Variants in NTM observed in about 807,000 individuals in gnomAD.
The protein encoded by NTM is IgLON family member 2.
In NTM, 13 loss-of-function variants were observed where a neutral mutation model predicts 42.1. The ratio of observed to expected loss-of-function variants is 0.31; its 90% CI spans 0.20 to 0.49. The LOEUF (loss-of-function observed/expected upper bound fraction) is 0.49. NTM is among the 20% of genes least tolerant of loss of function. The probability of loss-of-function intolerance (pLI) is 0.99; values close to 1 mark genes in which losing one functional copy is unlikely to be tolerated. For synonymous variants in NTM, 187 were observed against 179.2 expected (o/e 1.04, Z -0.35); for missense variants, 373 against 452.8 (o/e 0.82, Z 1.60).
intron 1 of NTM, among the ~76,000 whole-genome samples, chr11:131,531,313 T>G (rs12807549): frequency 0.01 from 1,534 of 151,972 alleles, 11 homozygotes; most frequent in Non-Finnish European, 0.014. Flanking sequence ...TAATTTTTTT[T>G]GGGGGGGAGG....
intron 2 of NTM, among the ~76,000 whole-genome samples, chr11:132,048,474 A>C (rs137996610): frequency 4.5e-4 from 69 of 152,310 alleles, no homozygotes; most frequent in African/African-American, 1.5e-3. Context: ...CAGCCACTGA[A>C]GCTTTTCTTG....
intron 1 of NTM, among the ~76,000 whole-genome samples, chr11:131,736,887 T>C (rs1275169922): frequency 6.6e-6 from 1 of 152,206 alleles, no homozygotes; most frequent in African/African-American, 2.4e-5. Flanking sequence ...ATCCATCACA[T>C]TTGCACATGT....
At chr11:132,067,325 A>G (rs1201344247) in intron 2 of NTM, among the ~76,000 whole-genome samples, 1 of 152,216 alleles carries the variant, frequency 6.6e-6, no homozygotes, top group Non-Finnish European at 1.5e-5. Context: ...TCTGTCCCAC[A>G]TGCAAAATAC....
At chr11:132,174,120 T>G (rs1296591252) in intron 3 of NTM, among the ~76,000 whole-genome samples, 3 of 152,178 alleles carry the variant, frequency 2.0e-5, no homozygotes, top group Admixed American at 1.3e-4. Context: ...AAAATTTATG[T>G]CTTAATGATA....
intron 4 of NTM, among the ~76,000 whole-genome samples, chr11:132,275,846 A>G (rs933123263): frequency 6.6e-6 from 1 of 150,876 alleles, no homozygotes; most frequent in African/African-American, 2.4e-5. Flanking sequence ...AGAACATTCA[A>G]AAGCCTCTCT....
intron 1 of NTM, among the ~76,000 whole-genome samples, chr11:131,606,250 C>G (rs559373358): frequency 6.6e-6 from 1 of 152,224 alleles, no homozygotes; most frequent in African/African-American, 2.4e-5. Context: ...GAGATAGGCT[C>G]TCAGCATGTT....
chr11:131,914,585 A>G (rs79303845), intron 2 of NTM, among the ~76,000 whole-genome samples: 1 of 152,324 alleles, frequency 6.6e-6, no homozygotes, highest in East Asian at 1.9e-4. Flanking sequence ...AGAAGATTCT[A>G]ATTTGAGGAA....
intron 3 of NTM, among the ~76,000 whole-genome samples, chr11:132,208,781 C>G (rs1401434122): frequency 6.6e-6 from 1 of 152,184 alleles, no homozygotes. Flanking sequence ...AACTACAAAC[C>G]CTAAATCACC....
chr11:131,789,490 G>GGAGA lies in NTM; in HGVS notation c.83-122074_83-122073insGAGA, dbSNP rs2090085139. On this transcript the variant is annotated intron_variant, in intron 1 of 8. Transcript: ENST00000683400. ...AGAAGAAGAAGAAGAAGAAGAAGAA[G>GGAGA]AGGAAAGAAGAAGAAGAAGAAGAAG... is the stretch of plus-strand genomic sequence containing the variant. Among the ~76,000 whole-genome samples the GGAGA allele has an allele frequency of 4.1e-4, 2 of 4,848 alleles. 1 individual carries two copies. Among genetic ancestry groups the GGAGA allele is most frequent in the Non-Finnish European group, 7.9e-4 (2 of 2,528 alleles). 3.2% of individuals were successfully genotyped at this position (4,848 alleles called of 152,430 possible).
chr11:131,392,439 C>T (rs1412754583), intron 1 of NTM, among the ~76,000 whole-genome samples: 2 of 152,158 alleles, frequency 1.3e-5, no homozygotes, highest in Non-Finnish European at 2.9e-5. Flanking sequence ...TGTGCAACCA[C>T]AGAGCCCCTG....
At chr11:131,707,613 C>G (rs1592645605) in intron 1 of NTM, among the ~76,000 whole-genome samples, 1 of 152,220 alleles carries the variant, frequency 6.6e-6, no homozygotes, top group Non-Finnish European at 1.5e-5. Context: ...TTCCCACTGA[C>G]AGTGTTCAAG....
chr11:131,787,932 T>C (rs1216508306), intron 1 of NTM, among the ~76,000 whole-genome samples: 1 of 152,236 alleles, frequency 6.6e-6, no homozygotes, highest in Non-Finnish European at 1.5e-5. Context: ...TTTCACATAG[T>C]ATTCCTATAA....
intron 1 of NTM, among the ~76,000 whole-genome samples, chr11:131,701,147 T>G (rs2076032894): frequency 1.3e-5 from 2 of 152,210 alleles, no homozygotes; most frequent in Admixed American, 1.3e-4. Context: ...ACAAGGGTTT[T>G]GCTAAAGAAC....
intron 2 of NTM, among the ~76,000 whole-genome samples, chr11:131,923,606 T>C (rs537438): frequency 0.79 from 120,115 of 152,090 alleles, 47,583 homozygotes; most frequent in East Asian, 0.94. Flanking sequence ...TATCCACTTT[T>C]GCAAGGGGTT....
intron 7 of NTM, among the ~76,000 whole-genome samples, chr11:132,320,601 G>A (rs2095540660): frequency 6.6e-6 from 1 of 152,176 alleles, no homozygotes; most frequent in Non-Finnish European, 1.5e-5. Context: ...GCTGGGGGAG[G>A]GGTGCCCGCC....
At chr11:131,945,244 A>G (rs1441522678) in intron 2 of NTM, among the ~76,000 whole-genome samples, 3 of 152,230 alleles carry the variant, frequency 2.0e-5, no homozygotes, top group Non-Finnish European at 2.9e-5. Context: ...TGTCTCACGC[A>G]CACACACATA....
chr11:132,197,564 A>G lies in NTM; in HGVS notation c.401-14458A>G, dbSNP rs192588332. On this transcript the variant is annotated intron_variant, in intron 3 of 8. Transcript: ENST00000683400. ...TGCACAACGTGCAGGTTTGTTATATATGTATACATGTGCCATGTTGGTGTG... is the reference window on the plus strand; with the variant it reads ...TGCACAACGTGCAGGTTTGTTATATGTGTATACATGTGCCATGTTGGTGTG... Among the ~76,000 whole-genome samples the G allele has an allele frequency of 6.1e-3, 927 of 151,518 alleles. 10 individuals carry two copies. The highest frequency in any genetic ancestry group is 0.02 in the African/African-American group (844 of 41,316).
intron 1 of NTM, among the ~76,000 whole-genome samples, chr11:131,849,816 T>C (rs1362288056): frequency 7.9e-6 from 1 of 126,068 alleles, no homozygotes; most frequent in Non-Finnish European, 1.6e-5. Context: ...CACCGGGGAC[T>C]GTTGTGGGGT....
intron 1 of NTM, among the ~76,000 whole-genome samples, chr11:131,747,634 A>G (rs1218320626): frequency 1.3e-5 from 2 of 152,180 alleles, no homozygotes; most frequent in African/African-American, 4.8e-5. Flanking sequence ...GTGGGGCCAC[A>G]TGGACCATAG....
Sources: gnomAD v4.1 joint callset for allele counts (sites outside exome capture counted in the v4.1 genomes callset) on GRCh38, gnomAD v4.1.1 for gene constraint, MANE v1.5 for transcripts, NCBI Gene and HGNC (gene_info 2026-07-23, HGNC 2026-07-21) for gene names.